LRRC37A2: variants seen among roughly 807,000 people sequenced by gnomAD.
LRRC37A2 encodes the protein leucine-rich repeat-containing protein 37A2.
In LRRC37A2, 9 loss-of-function variants were observed where a neutral mutation model predicts 68.8. The ratio of observed to expected loss-of-function variants is 0.13; its 90% confidence interval spans 0.08 to 0.23. The LOEUF is 0.23. LRRC37A2 is among the 10% of genes least tolerant of loss of function. The probability of loss-of-function intolerance (pLI) is 1.00; values close to 1 mark genes in which losing one functional copy is unlikely to be tolerated. For synonymous variants in LRRC37A2, 63 were observed against 367.6 expected (o/e 0.17, Z 9.48); for missense variants, 168 against 950.4 (o/e 0.18, Z 10.82).
chr17:46,934,027 C>T, the LRRC37A2 span, among the ~76,000 whole-genome samples: 1 of 152,058 alleles, frequency 6.6e-6, no homozygotes, highest in Non-Finnish European at 1.5e-5. Flanking sequence ...AACGCTCTCA[C>T]AGCTGGCGAG....
chr17:46,900,730 C>A, the LRRC37A2 span, among the ~76,000 whole-genome samples: 4 of 152,244 alleles, frequency 2.6e-5, no homozygotes, highest in Non-Finnish European at 4.4e-5. Flanking sequence ...ACTAGCTAAT[C>A]TTTATTAGGC....
At chr17:46,783,103 G>T in the LRRC37A2 span, among the ~76,000 whole-genome samples, 15 of 152,224 alleles carry the variant, frequency 9.9e-5, no homozygotes, top group African/African-American at 3.6e-4. Context: ...GGGGCCCTCT[G>T]GCTCGCCTGC....
At chr17:46,964,049 G>A in the LRRC37A2 span, 1 of 152,240 alleles carries the variant, frequency 6.6e-6, no homozygotes, top group South Asian at 2.1e-4. Flanking sequence ...CTGACCTCAA[G>A]TGATTCTCCC....
At chr17:46,903,944 A>G in the LRRC37A2 span, among the ~76,000 whole-genome samples, 1 of 149,958 alleles carries the variant, frequency 6.7e-6, no homozygotes, top group Non-Finnish European at 1.5e-5. Context: ...AGGTGGGTAG[A>G]TGGATGAAAG....
the LRRC37A2 span, among the ~76,000 whole-genome samples, chr17:46,785,895 T>G: frequency 6.6e-6 from 1 of 152,198 alleles, no homozygotes; most frequent in Non-Finnish European, 1.5e-5. Flanking sequence ...GCTGGAATGT[T>G]GCAGCTTCTG....
At chr17:46,920,572 G>T in the LRRC37A2 span, among the ~76,000 whole-genome samples, 1 of 152,202 alleles carries the variant, frequency 6.6e-6, no homozygotes, top group Non-Finnish European at 1.5e-5. Flanking sequence ...AGGAATAGTA[G>T]ATAAGCTTGG....
the LRRC37A2 span, among the ~76,000 whole-genome samples, chr17:47,022,168 C>CTCTTTTTTTTTTTT: frequency 5.1e-5 from 1 of 19,714 alleles, no homozygotes; most frequent in African/African-American, 9.7e-5. Flanking sequence ...TTTTTGTTCT[C>CTCTTTTTTTTTTTT]TTTTTTTTTT....
At chr17:46,801,606 C>T in the LRRC37A2 span, among the ~76,000 whole-genome samples, 1 of 132,492 alleles carries the variant, frequency 7.5e-6, no homozygotes, top group Non-Finnish European at 1.7e-5. Context: ...GGCAACAGAG[C>T]GAGACTCTAT....
chr17:46,499,039 G>A, the LRRC37A2 span, among the ~76,000 whole-genome samples: 1 of 149,428 alleles, frequency 6.7e-6, no homozygotes, highest in Non-Finnish European at 1.5e-5. Flanking sequence ...TATAGGCCAG[G>A]CATGGTGGCT....
chr17:46,992,011 G>A, the LRRC37A2 span, among the ~76,000 whole-genome samples: 1 of 152,220 alleles, frequency 6.6e-6, no homozygotes, highest in Non-Finnish European at 1.5e-5. Context: ...GTCCAAGAAA[G>A]TGGATTGATC....
the LRRC37A2 span, among the ~76,000 whole-genome samples, chr17:47,004,455 C>A: frequency 4.3e-3 from 650 of 152,368 alleles, 3 homozygotes; most frequent in Middle Eastern, 6.8e-3. Flanking sequence ...CAGGGGCCAG[C>A]AGCAGGGGTG....
chr17:46,987,135 C>T, the LRRC37A2 span, among the ~76,000 whole-genome samples: 1 of 152,076 alleles, frequency 6.6e-6, no homozygotes, highest in Admixed American at 6.6e-5. Context: ...CCCAGCTACT[C>T]AGGAGGCTGA....
chr17:47,012,437 A>G, the LRRC37A2 span, among the ~76,000 whole-genome samples: 5 of 152,224 alleles, frequency 3.3e-5, no homozygotes. Flanking sequence ...CCACCAAGAA[A>G]GTGAAAGGCA....
At chr17:46,491,013 G>A in the LRRC37A2 span, among the ~76,000 whole-genome samples, 1 of 150,508 alleles carries the variant, frequency 6.6e-6, no homozygotes, top group Admixed American at 6.6e-5. Flanking sequence ...TCCTGCCTCA[G>A]CCTCCTGAGT....
the LRRC37A2 span, among the ~76,000 whole-genome samples, chr17:46,811,959 GAAAA>G: frequency 1.3e-5 from 2 of 151,944 alleles, no homozygotes; most frequent in African/African-American, 4.8e-5. Context: ...TCTGTTTCAA[GAAAA>G]AAAGAAAGAA....
At chr17:46,980,978 T>G in the LRRC37A2 span, among the ~76,000 whole-genome samples, 1 of 152,228 alleles carries the variant, frequency 6.6e-6, no homozygotes, top group African/African-American at 2.4e-5. Flanking sequence ...TTATCATTAT[T>G]TTAAAAGTCT....
the LRRC37A2 span, among the ~76,000 whole-genome samples, chr17:46,877,636 T>A: frequency 6.6e-6 from 1 of 152,176 alleles, no homozygotes; most frequent in Non-Finnish European, 1.5e-5. Context: ...GGCAGTGACG[T>A]GGCGAGCTCA....
chr17:46,729,518 T>A, the LRRC37A2 span, among the ~76,000 whole-genome samples: 1 of 140,400 alleles, frequency 7.1e-6, no homozygotes, highest in African/African-American at 2.7e-5. Context: ...GGTTAACAAA[T>A]TTAAAACCAA....
At chr17:46,887,765 A>AAAAGAAAG in the LRRC37A2 span, among the ~76,000 whole-genome samples, 1,200 of 150,826 alleles carry the variant, frequency 8.0e-3, 2 homozygotes, top group Non-Finnish European at 9.4e-3. Flanking sequence ...CTCCCTGTCC[A>AAAAGAAAG]AAAGAAAGAA....
Sources: gnomAD v4.1 joint callset for allele counts (sites outside exome capture counted in the v4.1 genomes callset) on GRCh38, gnomAD v4.1.1 for gene constraint, MANE v1.5 for transcripts, NCBI Gene and HGNC (gene_info 2026-07-23, HGNC 2026-07-21) for gene names.